Variants in KCNN2 observed in about 807,000 individuals in gnomAD.
KCNN2 encodes small conductance calcium-activated potassium channel protein 2.
KCNN2 carries 24 observed loss-of-function variants against 55.5 expected under a neutral mutation model. That is an observed-to-expected ratio of 0.43 (90% CI 0.31 to 0.61). The LOEUF (loss-of-function observed/expected upper bound fraction) is 0.61, where lower values mean the gene tolerates loss of function less well. Among genes scored for constraint, KCNN2 ranks in the 20% least tolerant of loss-of-function variants. The pLI is 0.08. For missense variants in KCNN2, 754 were observed against 853.6 expected (o/e 0.88, Z 1.45); for synonymous variants, 431 against 336.1 (o/e 1.28, Z -3.09).
chr5:114,460,775 A>G (rs1373109424), intron 3 of KCNN2, among the ~76,000 whole-genome samples: 1 of 152,234 alleles, frequency 6.6e-6, no homozygotes, highest in African/African-American at 2.4e-5. Context: ...CTCTGAGTAC[A>G]TAGTGAACAC....
intron 2 of KCNN2, among the ~76,000 whole-genome samples, chr5:114,291,410 A>G (rs1428200701): frequency 6.6e-6 from 1 of 151,534 alleles, no homozygotes; most frequent in African/African-American, 2.4e-5. Flanking sequence ...TCATCGTTCA[A>G]TTTCCACCTA....
intron 2 of KCNN2, among the ~76,000 whole-genome samples, chr5:114,300,216 T>C (rs1178392805): frequency 6.6e-6 from 1 of 152,182 alleles, no homozygotes; most frequent in Non-Finnish European, 1.5e-5. Flanking sequence ...AATTCTCACC[T>C]CTTTCATAAA....
At chr5:114,258,409 G>T (rs1755028686) in intron 2 of KCNN2, among the ~76,000 whole-genome samples, 1 of 152,118 alleles carries the variant, frequency 6.6e-6, no homozygotes, top group South Asian at 2.1e-4. Context: ...AACGATTTTG[G>T]TAGGAATGGT....
Position 114,362,911 on chromosome 5 carries a change from G to A in KCNN2, c.772G>A (p.Ala258Thr). Residue 258 changes from alanine to threonine, a missense_variant, in exon 1 of 8, where the codon GCG becomes ACG. Ala to Thr is a moderately conservative substitution (Grantham distance 58, BLOSUM62 0). Around this residue, in one of 4 missense-constraint regions of KCNN2, gnomAD observed 381 missense variants for 259.1 expected, o/e 1.47. Coordinates refer to ENST00000673685, the MANE Select transcript of KCNN2 (RefSeq NM_021614.4). ...PPASVGGGGGASSPSAAAAAA... is the reference protein window; with the variant it reads ...PPASVGGGGGTSSPSAAAAAA... ...CGCGTCTGTCGGAGGAGGTGGCGGCGCGTCCTCCCCGTCTGCAGCCGCTGC... is the reference window on the plus strand; with the variant it reads ...CGCGTCTGTCGGAGGAGGTGGCGGCACGTCCTCCCCGTCTGCAGCCGCTGC... 1 of 1,588,308 alleles carries A rather than the reference G, an allele frequency of 6.3e-7. No individual in the cohort carries two copies. Among genetic ancestry groups the A allele is most frequent in the South Asian group, 1.1e-5 (1 of 89,704 alleles).
chr5:114,357,274 T>C (rs1561583426), upstream of KCNN2, among the ~76,000 whole-genome samples: 2 of 151,612 alleles, frequency 1.3e-5, no homozygotes. Context: ...AAATAAGGGA[T>C]TGGAGTGCAA....
intron 1 of KCNN2, among the ~76,000 whole-genome samples, chr5:114,083,278 C>T (rs1267694894): frequency 3.3e-5 from 5 of 151,768 alleles, no homozygotes; most frequent in African/African-American, 1.2e-4. Context: ...TATTATACCT[C>T]CTTTCTACTT....
At chr5:114,309,119 TATTTA>T (rs1201149464) in intron 2 of KCNN2, among the ~76,000 whole-genome samples, 1 of 152,216 alleles carries the variant, frequency 6.6e-6, no homozygotes, top group Non-Finnish European at 1.5e-5. Flanking sequence ...GCTGCAGATC[TATTTA>T]ATTTGAAGAC....
rs1455162701 is a variant in KCNN2 at position 114,496,095 on chromosome 5, C to CACTT, written c.2292_2295dup (p.Asn766LeufsTer4). On this transcript the variant is annotated frameshift_variant, in exon 8 of 8. Transcript: ENST00000673685. LOFTEE classifies it high-confidence loss of function. ...AGATGGAGAGCTACGACAAGCACGT[C>CACTT]ACTTACAATGCTGAGCGGTCCCGGT... is the stretch of plus-strand genomic sequence containing the variant. 1 of 1,614,068 alleles carries CACTT rather than the reference C, an allele frequency of 6.2e-7. No homozygotes were observed. The highest frequency in any genetic ancestry group is 2.2e-5 in the East Asian group (1 of 44,850).
At chr5:114,419,391 T>G (rs1759405643) in intron 3 of KCNN2, among the ~76,000 whole-genome samples, 1 of 152,256 alleles carries the variant, frequency 6.6e-6, no homozygotes, top group Non-Finnish European at 1.5e-5. Flanking sequence ...TAAAGTAGCA[T>G]CATTTTGTCA....
At chr5:114,195,746 C>T (rs1049290954) in intron 1 of KCNN2, among the ~76,000 whole-genome samples, 1 of 152,000 alleles carries the variant, frequency 6.6e-6, no homozygotes, top group African/African-American at 2.4e-5. Context: ...AGCAGACATC[C>T]TTGTCTTGTT....
chr5:114,293,802 G>T (rs1469221291), intron 2 of KCNN2, among the ~76,000 whole-genome samples: 2 of 152,148 alleles, frequency 1.3e-5, no homozygotes, highest in Admixed American at 1.3e-4. Flanking sequence ...GTAGAATTCG[G>T]CTGTGAATCC....
At chr5:114,220,058 G>A (rs750097351) in intron 1 of KCNN2, among the ~76,000 whole-genome samples, 2 of 152,092 alleles carry the variant, frequency 1.3e-5, no homozygotes, top group Non-Finnish European at 2.9e-5. Flanking sequence ...AAAACAGGTA[G>A]CAGGTTGGAT....
intron 1 of KCNN2, among the ~76,000 whole-genome samples, chr5:114,165,495 A>T (rs112194864): frequency 0.012 from 1,791 of 152,302 alleles, 35 homozygotes; most frequent in African/African-American, 0.04. Context: ...GTGAAATTGT[A>T]ACAAGGCATA....
chr5:114,189,963 G>A (rs557581956), intron 1 of KCNN2, among the ~76,000 whole-genome samples: 380 of 151,906 alleles, frequency 2.5e-3, no homozygotes, highest in African/African-American at 8.8e-3. Context: ...AAAAGCAAAA[G>A]TTCAAAAGTT....
chr5:114,494,702 A>T lies in KCNN2; in HGVS notation c.2089-1193A>T, dbSNP rs116232706. On this transcript the variant is annotated intron_variant, in intron 7 of 7. Coordinates refer to ENST00000673685, the MANE Select transcript of KCNN2 (RefSeq NM_021614.4). ...ATGCTGTTTCTTTATTAATGTACTT[A>T]TTATGACCACGGGACTGTACATACC... is the stretch of plus-strand genomic sequence containing the variant. 6.0e-3 allele frequency among the ~76,000 whole-genome samples: 917 copies of T among 152,206 alleles called. 13 individuals are homozygous for T. The highest frequency in any genetic ancestry group is 0.021 in the African/African-American group (876 of 41,518).
intron 3 of KCNN2, among the ~76,000 whole-genome samples, chr5:114,435,393 G>C (rs1759968368): frequency 6.6e-6 from 1 of 152,064 alleles, no homozygotes; most frequent in Non-Finnish European, 1.5e-5. Flanking sequence ...TTTTTAGTTT[G>C]TCACCTTTTT....
chr5:114,361,128 C>T (rs2150043938), upstream of KCNN2: 1 of 152,394 alleles, frequency 6.6e-6, no homozygotes, highest in Non-Finnish European at 1.5e-5. Context: ...GCCATCCCCT[C>T]ATGTTCTGGA....
At chr5:114,109,926 G>C (rs1751561580) in intron 1 of KCNN2, among the ~76,000 whole-genome samples, 1 of 152,188 alleles carries the variant, frequency 6.6e-6, no homozygotes, top group East Asian at 1.9e-4. Context: ...TGTTGCCAAT[G>C]TGATGGTAGT....
At chr5:114,250,696 C>T (rs1754840341) in intron 2 of KCNN2, among the ~76,000 whole-genome samples, 1 of 152,152 alleles carries the variant, frequency 6.6e-6, no homozygotes, top group South Asian at 2.1e-4. Flanking sequence ...AGGCAAGAGT[C>T]TGTGAAATGC....
Sources: gnomAD v4.1 joint callset for allele counts (sites outside exome capture counted in the v4.1 genomes callset) on GRCh38, gnomAD v4.1.1 for gene constraint, gnomAD v4.1.1 regional missense constraint, MANE v1.5 for transcripts, NCBI Gene and HGNC (gene_info 2026-07-23, HGNC 2026-07-21) for gene names.